The following MYO9A variants were observed in gnomAD, a reference collection of about 807,000 sequenced individuals.
MYO9A encodes unconventional myosin-IXa.
A neutral mutation model predicts 293.3 loss-of-function variants in MYO9A; 103 were observed. That is an observed-to-expected ratio of 0.35 (90% CI 0.30 to 0.41). The LOEUF is 0.41. Among genes scored for constraint, MYO9A ranks in the 10% least tolerant of loss-of-function variants. The pLI is 1.00. For missense variants in MYO9A, 2,685 were observed against 3,033.0 expected (o/e 0.89, Z 2.69); for synonymous variants, 1,001 against 1,035.7 (o/e 0.97, Z 0.64).
At chr15:71,998,981 T>C (rs1159965704) in intron 9 of MYO9A, 1 of 152,042 alleles carries the variant, frequency 6.6e-6, no homozygotes, top group Non-Finnish European at 1.5e-5. Context: ...TCTATCAATG[T>C]CCAACAAAGA....
In MYO9A at chr15:71,978,305, A is replaced by G. The variant is rs765929053; in HGVS notation, c.1723-13T>C. ...TTCTATATTCCTCCTAGAAAAACCA[A>G]AAAATAAAATAACAATTTATTCATC... is the stretch of plus-strand genomic sequence containing the variant. On this transcript the variant is annotated splice_polypyrimidine_tract_variant and intron_variant, in intron 11 of 41. Transcript: ENST00000356056. 8.2e-6 allele frequency: 13 copies of G among 1,590,992 alleles called. No individual in the cohort carries two copies. In the African/African-American group the frequency reaches 1.6e-4, roughly 20 times the overall value.
intron 1 of MYO9A, among the ~76,000 whole-genome samples, chr15:72,100,745 G>T (rs758337040): frequency 0.013 from 1,961 of 150,852 alleles, 20 homozygotes; most frequent in East Asian, 0.024. Context: ...TCTGAGAAGT[G>T]AGGAGACCCT....
Position 71,851,332 on chromosome 15 carries a change from G to C in MYO9A, c.6502C>G (p.Arg2168Gly), listed in dbSNP as rs766647949. 3.1e-6 allele frequency: 5 copies of C among 1,613,580 alleles called. No homozygotes were observed. The South Asian group carries it at 5.5e-5, about 18-fold the overall frequency. The change falls in exon 37 of 42, where the codon CGT (arginine) becomes GGT (glycine). Residue 2168 changes from arginine to glycine, a missense_variant. This residue lies in a region of MYO9A where 238 missense variants were observed against 269.1 expected (regional missense o/e 0.88). Transcript: ENST00000356056. ...TGATCAATCACAGAGTATACACCACGGATTGTCTCCTTCCTCTCCTGAAGG... is the reference window on the plus strand; with the variant it reads ...TGATCAATCACAGAGTATACACCACCGATTGTCTCCTTCCTCTCCTGAAGG... ...MGLQERKETIRGVYSVIDQLS... is the reference protein window; with the variant it reads ...MGLQERKETIGGVYSVIDQLS...
intron 8 of MYO9A, among the ~76,000 whole-genome samples, chr15:72,005,300 C>A (rs1260570992): frequency 6.6e-6 from 1 of 152,130 alleles, no homozygotes; most frequent in Non-Finnish European, 1.5e-5. Context: ...AATTAGATTT[C>A]TCTCTTTTTT....
At chr15:71,828,080 T>C in intron 40 of MYO9A, 54 bp from the exon 41 acceptor site, 4 of 1,556,786 alleles carry the variant, frequency 2.6e-6, no homozygotes, top group Admixed American at 2.0e-5. Context: ...GGAAGGAAGA[T>C]AACAGAAAAA....
intron 1 of MYO9A, among the ~76,000 whole-genome samples, chr15:72,082,664 T>C (rs1018674378): frequency 2.0e-5 from 3 of 152,076 alleles, no homozygotes; most frequent in African/African-American, 4.8e-5. Flanking sequence ...CAGTATGATG[T>C]TGGCTGTGGG....
In MYO9A at chr15:71,897,702, C is replaced by A; in HGVS notation, c.4801G>T (p.Val1601Phe). ...SAHLPPKDRP[V>F]TVFFERKGSP... ...CCTTTTCTTTCAAAGAACACGGTGA[C>A]AGGTCGGTCCTTTGGGGGTAAGTGA... The change falls in exon 25 of 42, where the codon GTC (valine) becomes TTC (phenylalanine). Residue 1601 changes from valine (V) to phenylalanine (F), a missense_variant. Physicochemically the swap from Val to Phe is conservative, Grantham distance 50. Transcript: ENST00000356056. The A allele has an allele frequency of 6.2e-7, 1 of 1,614,146 alleles. No individual in the cohort carries two copies. The highest frequency in any genetic ancestry group is 8.5e-7 in the Non-Finnish European group (1 of 1,180,022).
intron 31 of MYO9A, among the ~76,000 whole-genome samples, 200 bp downstream of exon 31, chr15:71,877,840 G>A (rs1158390181): frequency 1.3e-5 from 2 of 152,176 alleles, no homozygotes; most frequent in Admixed American, 1.3e-4. Flanking sequence ...ATTACAGACG[G>A]TTTAGAAAAT....
At chr15:72,055,274 T>C (rs1309961088) in intron 1 of MYO9A, among the ~76,000 whole-genome samples, 1 of 152,114 alleles carries the variant, frequency 6.6e-6, no homozygotes, top group Non-Finnish European at 1.5e-5. Flanking sequence ...AAAATGTTAA[T>C]AGTTGGCAGG....
At chr15:72,108,595 A>G (rs2080658440) in intron 1 of MYO9A, among the ~76,000 whole-genome samples, 1 of 152,230 alleles carries the variant, frequency 6.6e-6, no homozygotes, top group Non-Finnish European at 1.5e-5. Context: ...CTCTTTTGAA[A>G]AAAACATTTT....
In MYO9A at chr15:71,888,170, C is replaced by T. The variant is rs2057076248; in HGVS notation, c.5143-54G>A. ...AATGCCAAGTAAATATATGATAGCACTGTAATTTAAATTCAGGTTACAGAA... is the reference window on the plus strand; with the variant it reads ...AATGCCAAGTAAATATATGATAGCATTGTAATTTAAATTCAGGTTACAGAA... On this transcript the variant is annotated intron_variant, in intron 26 of 41. Coordinates refer to ENST00000356056, the MANE Select transcript of MYO9A (RefSeq NM_006901.4). 1.5e-5 allele frequency: 14 copies of T among 930,450 alleles called. No homozygotes were observed. In the Admixed American group the frequency reaches 1.6e-4, roughly 11 times the overall value. 57.6% of individuals were successfully genotyped at this position (930,450 alleles called of 1,614,324 possible). A position where few individuals can be genotyped will look rare whatever the true frequency, so the allele number is the denominator to read the frequency against.
chr15:71,893,337 CA>C, intron 26 of MYO9A: 1 of 467,712 alleles, frequency 2.1e-6, no homozygotes, highest in Non-Finnish European at 3.6e-6. Context: ...CAGGGATGAC[CA>C]AAAGGAATCT....
At chr15:72,100,360 C>T (rs1285319384) in intron 1 of MYO9A, among the ~76,000 whole-genome samples, 2 of 152,174 alleles carry the variant, frequency 1.3e-5, no homozygotes, top group East Asian at 1.9e-4. Context: ...AGTGCAGTGG[C>T]GTGGTCTCGG....
At chr15:71,846,234 T>G (rs2055380127) in intron 39 of MYO9A, among the ~76,000 whole-genome samples, 1 of 152,154 alleles carries the variant, frequency 6.6e-6, no homozygotes, top group Non-Finnish European at 1.5e-5. Context: ...TTACTTAGCC[T>G]ACTGACAATG....
chr15:71,875,868 T>C (rs2056666844), intron 31 of MYO9A, 30 bp from the exon 32 acceptor site: 5 of 1,254,182 alleles, frequency 4.0e-6, no homozygotes, highest in Non-Finnish European at 5.2e-6. Context: ...TATATGGAAA[T>C]TGTGATAACA....
intron 40 of MYO9A, among the ~76,000 whole-genome samples, chr15:71,829,136 T>G (rs575058762): frequency 6.6e-6 from 1 of 152,334 alleles, no homozygotes; most frequent in East Asian, 1.9e-4. Flanking sequence ...CAATATCATC[T>G]GCATCAAAGC....
At chr15:72,059,259 T>C (rs1338569739) in intron 1 of MYO9A, among the ~76,000 whole-genome samples, 1 of 152,222 alleles carries the variant, frequency 6.6e-6, no homozygotes, top group African/African-American at 2.4e-5. Context: ...AAAGCATTAC[T>C]GCATGGTAGA....
chr15:72,040,720 T>G (rs1344639846), intron 2 of MYO9A, among the ~76,000 whole-genome samples: 2 of 152,156 alleles, frequency 1.3e-5, no homozygotes, highest in Non-Finnish European at 2.9e-5. Context: ...AACAATATTT[T>G]ATACATTTCT....
In MYO9A at chr15:71,891,512, T is replaced by C. The variant is rs896874609; in HGVS notation, c.5142+2167A>G. 2.6e-5 allele frequency: 4 copies of C among 152,248 alleles called. No homozygotes were observed. In the South Asian group the frequency reaches 8.3e-4, roughly 31 times the overall value. The allele number at this position is 152,248 out of a possible 1,614,324, so 9.4% of individuals were successfully genotyped here. Reference sequence around the variant, plus strand: ...TTTCATCAAAATTAGTTTGTTCCATTACATAATTTCGTATTTAACTGTTAA... The same window carrying C: ...TTTCATCAAAATTAGTTTGTTCCATCACATAATTTCGTATTTAACTGTTAA... On this transcript the variant is annotated intron_variant, in intron 26 of 41. Transcript: ENST00000356056.
Sources: gnomAD v4.1 joint callset for allele counts (sites outside exome capture counted in the v4.1 genomes callset) on GRCh38, gnomAD v4.1.1 for gene constraint, gnomAD v4.1.1 regional missense constraint, MANE v1.5 for transcripts, NCBI Gene and HGNC (gene_info 2026-07-23, HGNC 2026-07-21) for gene names.